BAZ1B: variants seen among roughly 807,000 people sequenced by gnomAD.
BAZ1B encodes tyrosine-protein kinase BAZ1B.
A neutral mutation model predicts 153.8 loss-of-function variants in BAZ1B; 22 were observed. The ratio of observed to expected loss-of-function variants is 0.14; its 90% CI spans 0.10 to 0.20. The LOEUF (loss-of-function observed/expected upper bound fraction) is 0.20, where lower values mean the gene tolerates loss of function less well. Ranked by LOEUF, BAZ1B falls within the 10% of genes least tolerant of loss-of-function variation. The pLI, the probability that BAZ1B is intolerant of heterozygous loss-of-function variation, is 1.00. For missense variants in BAZ1B, 1,325 were observed against 1,799.3 expected (o/e 0.74, Z 4.77); for synonymous variants, 676 against 633.4 (o/e 1.07, Z -1.01).
intron 4 of BAZ1B, among the ~76,000 whole-genome samples, chr7:73,495,701 T>TA (rs782430558): frequency 8.6e-5 from 13 of 152,034 alleles, no homozygotes; most frequent in African/African-American, 3.1e-4. Flanking sequence ...TATGCAGCCA[T>TA]AAAAAAGAAT....
Position 73,442,243 on chromosome 7 carries a change from C to T in BAZ1B, c.4405G>A (p.Glu1469Lys). 1 of 1,612,166 alleles carries T rather than the reference C, an allele frequency of 6.2e-7. No individual in the cohort carries two copies. The change falls in exon 19 of 20, where the codon GAG becomes AAG. Residue 1469 changes from glutamate to lysine, a missense_variant. Transcript: ENST00000339594. ...CTGGACTGTCCAACGGCCTCTGGCTCACTGTCCCCTTCATCTTCAGCAAGC... is the reference window on the plus strand; with the variant it reads ...CTGGACTGTCCAACGGCCTCTGGCTTACTGTCCCCTTCATCTTCAGCAAGC... ...DRLAEDEGDS[E>K]PEAVGQSRGR...
intron 4 of BAZ1B, among the ~76,000 whole-genome samples, chr7:73,497,085 C>CAAAAAAAAAAAAAAAAAA (rs1789939143): frequency 9.4e-6 from 1 of 106,372 alleles, no homozygotes; most frequent in African/African-American, 4.2e-5. Flanking sequence ...AAAAAAAAAC[C>CAAAAAAAAAAAAAAAAAA]TACAAAAATT....
intron 1 of BAZ1B, among the ~76,000 whole-genome samples, chr7:73,516,438 G>A (rs779658885): frequency 5.3e-5 from 8 of 151,998 alleles, no homozygotes; most frequent in Non-Finnish European, 1.2e-4. Flanking sequence ...ATACATCTCA[G>A]AAAATGTCCT....
At chr7:73,481,271 T>C (rs1030760230) in intron 6 of BAZ1B, among the ~76,000 whole-genome samples, 19 of 146,992 alleles carry the variant, frequency 1.3e-4, no homozygotes, top group African/African-American at 4.7e-4. Flanking sequence ...TTCACGCCTG[T>C]AATCCCAGCA....
intron 17 of BAZ1B, among the ~76,000 whole-genome samples, chr7:73,443,729 C>G (rs1554565635): frequency 6.6e-6 from 1 of 152,166 alleles, no homozygotes; most frequent in Non-Finnish European, 1.5e-5. Context: ...ATTTTTAAAT[C>G]CTTAATAAGT....
chr7:73,510,051 C>G (rs1790513951), intron 2 of BAZ1B, among the ~76,000 whole-genome samples: 1 of 151,152 alleles, frequency 6.6e-6, no homozygotes, highest in African/African-American at 2.4e-5. Context: ...CACTTGAACC[C>G]AGGAGATAGA....
chr7:73,478,651 T>C (rs1478297613), intron 6 of BAZ1B, 82 bp from the exon 7 acceptor site: 3 of 1,181,736 alleles, frequency 2.5e-6, no homozygotes, highest in East Asian at 2.6e-5. Flanking sequence ...AAAGGCCCTC[T>C]TCCCCAGCTA....
chr7:73,441,283 C>T lies in BAZ1B; in HGVS notation c.*426G>A, dbSNP rs1361331633. 9 of 152,684 alleles carry T rather than the reference C, an allele frequency of 5.9e-5. No individual in the cohort carries two copies. The highest frequency in any genetic ancestry group is 1.9e-4 in the African/African-American group (8 of 41,544). The allele number at this position is 152,684 out of a possible 1,614,324, so 9.5% of individuals were successfully genotyped here. ...AGTATCTTACAAGATGTTCTTTATA[C>T]AATATCACTGCTGAAACAAGCAACT... On this transcript the variant is annotated 3_prime_UTR_variant, in exon 20 of 20. Coordinates refer to ENST00000339594, the MANE Select transcript of BAZ1B (RefSeq NM_032408.4).
Position 73,492,789 on chromosome 7 carries a change from T to A in BAZ1B, c.693+11A>T. On this transcript the variant is annotated intron_variant, in intron 5 of 19. Coordinates refer to ENST00000339594, the MANE Select transcript of BAZ1B (RefSeq NM_032408.4). The stretch of plus-strand genomic sequence containing the variant: ...CATCTATCACATGTAAAAAGTAAAG[T>A]GTCAACTAACCTTATCTTCATTTTG... The A allele has an allele frequency of 6.3e-7, 1 of 1,588,904 alleles. No homozygotes were observed. Among genetic ancestry groups the A allele is most frequent in the Non-Finnish European group, 8.5e-7 (1 of 1,170,768 alleles).
Position 73,470,334 on chromosome 7 carries a change from T to C in BAZ1B, c.2732+11A>G. ...TCCTAAAGAAAACAAAAATTTGGTT[T>C]AGGAACTGACCTATTATGGTTTCGA... On this transcript the variant is annotated intron_variant, in intron 8 of 19. Coordinates refer to ENST00000339594, the MANE Select transcript of BAZ1B (RefSeq NM_032408.4). 6.3e-7 allele frequency: 1 copy of C among 1,598,916 alleles called. No homozygotes were observed. The highest frequency in any genetic ancestry group is 8.5e-7 in the Non-Finnish European group (1 of 1,172,910).
At chr7:73,483,313 A>G (rs1789270759) in intron 6 of BAZ1B, among the ~76,000 whole-genome samples, 1 of 152,200 alleles carries the variant, frequency 6.6e-6, no homozygotes, top group Non-Finnish European at 1.5e-5. Context: ...GATGCTGCAC[A>G]CAACTTAATA....
In BAZ1B at chr7:73,466,392, G is replaced by C. The variant is rs1326516899; in HGVS notation, c.2876C>G (p.Ala959Gly). The C allele has an allele frequency of 6.2e-7, 1 of 1,612,878 alleles. No individual in the cohort carries two copies. The highest frequency in any genetic ancestry group is 1.3e-5 in the African/African-American group (1 of 74,880). The change falls in exon 10 of 20, where the codon GCA (alanine) becomes GGA (glycine). Residue 959 changes from alanine to glycine, a missense_variant. Ala to Gly is a moderately conservative substitution (Grantham distance 60, BLOSUM62 0). Transcript: ENST00000339594. ...CATGCTTGCATTTTTACCTAAGTTT[G>C]CTTTCTTACCTAAGAAAAATTGAGA... Reference protein sequence around the residue: ...DEDYCPRSKKANLGKNASMNT... With the variant: ...DEDYCPRSKKGNLGKNASMNT...
chr7:73,469,469 C>A, intron 9 of BAZ1B, 48 bp downstream of exon 9: 2 of 1,602,258 alleles, frequency 1.2e-6, no homozygotes, highest in South Asian at 1.1e-5. Flanking sequence ...TAATGTTGAG[C>A]CCACTTGAGC....
At chr7:73,470,586 A>G in intron 7 of BAZ1B, 103 bp from the exon 8 acceptor site, 1 of 1,340,272 alleles carries the variant, frequency 7.5e-7, no homozygotes, top group African/African-American at 1.5e-5. Context: ...TACAGTAGTT[A>G]TCAAATCTTA....
At chr7:73,463,229 TTTC>T (rs1186815542) in intron 11 of BAZ1B, 130 bp from the exon 12 acceptor site, 12 of 856,754 alleles carry the variant, frequency 1.4e-5, no homozygotes, top group Admixed American at 1.2e-4. Context: ...CCTGGTGTTT[TTTC>T]TTTTTTCTTT....
intron 1 of BAZ1B, among the ~76,000 whole-genome samples, chr7:73,518,659 C>T (rs564425418): frequency 1.3e-5 from 2 of 151,168 alleles, no homozygotes; most frequent in African/African-American, 4.9e-5. Flanking sequence ...GCTACCACCT[C>T]GTCTGTGAAC....
chr7:73,462,416 G>A (rs1445706655), intron 12 of BAZ1B: 3 of 161,454 alleles, frequency 1.9e-5, no homozygotes, highest in African/African-American at 7.2e-5. Flanking sequence ...CTGTTACGGG[G>A]TATGGGATCT....
In BAZ1B at chr7:73,477,281, T is replaced by C; in HGVS notation, c.2180A>G (p.Glu727Gly). Reference protein sequence around the residue: ...AAFEDNEVQDEFLEKLETSEF... With the variant: ...AAFEDNEVQDGFLEKLETSEF... ...AGAGGTCTCCAGCTTTTCTAGGAAC[T>C]CATCTTGTACCTCATTATCCTCAAA... Residue 727 changes from glutamate (E) to glycine (G), a missense_variant, in exon 7 of 20, where the codon GAG (glutamate) becomes GGG (glycine). Physicochemically the swap from Glu to Gly is moderately conservative, Grantham distance 98 (BLOSUM62 -2). Transcript: ENST00000339594. This position sits in a 1 kb window ranked among gnomAD's most constrained non-coding sequence, Gnocchi z 5.6. The C allele has an allele frequency of 1.9e-6, 3 of 1,614,240 alleles. No individual in the cohort carries two copies. The highest frequency in any genetic ancestry group is 2.5e-6 in the Non-Finnish European group (3 of 1,180,052).
chr7:73,517,824 C>A (rs1386594316), intron 1 of BAZ1B, among the ~76,000 whole-genome samples: 2 of 152,230 alleles, frequency 1.3e-5, no homozygotes, highest in African/African-American at 4.8e-5. Context: ...ACCTCCTTAT[C>A]ACAATATGCT....
Sources: allele counts gnomAD v4.1 joint callset (sites outside exome capture counted in the v4.1 genomes callset), GRCh38; gene constraint gnomAD v4.1.1; non-coding constraint Gnocchi (gnomAD v3.1); transcripts MANE v1.5; gene names NCBI Gene and HGNC (gene_info 2026-07-23, HGNC 2026-07-21).